KCNQ5: variants seen among roughly 807,000 people sequenced by gnomAD.
The protein encoded by KCNQ5 is potassium voltage-gated channel subfamily KQT member 5.
KCNQ5 carries 30 observed loss-of-function variants against 98.2 expected under a neutral mutation model. The observed-to-expected ratio is 0.31, with a 90% CI of 0.23 to 0.41. The LOEUF (loss-of-function observed/expected upper bound fraction) is 0.41. Ranked by LOEUF, KCNQ5 falls within the 10% of genes least tolerant of loss-of-function variation. The pLI is 1.00. For synonymous variants in KCNQ5, 458 were observed against 449.4 expected (o/e 1.02, Z -0.24); for missense variants, 835 against 1,182.5 (o/e 0.71, Z 4.31).
At chr6:72,637,244 C>A (rs578205930) in intron 1 of KCNQ5, among the ~76,000 whole-genome samples, 9 of 116,274 alleles carry the variant, frequency 7.7e-5, no homozygotes, top group African/African-American at 2.1e-4. Context: ...CAGTATAAAC[C>A]AAAAGTTGTG....
intron 3 of KCNQ5, among the ~76,000 whole-genome samples, chr6:73,069,667 C>A (rs576283700): frequency 6.6e-6 from 1 of 152,162 alleles, no homozygotes; most frequent in South Asian, 2.1e-4. Flanking sequence ...CACAAGTGGC[C>A]TTGACTGGTT....
At chr6:73,043,168 A>G (rs979447116) in intron 3 of KCNQ5, 19 of 451,160 alleles carry the variant, frequency 4.2e-5, no homozygotes, top group Non-Finnish European at 7.9e-5. Flanking sequence ...ATCACCATCC[A>G]TGGGCACTGT....
chr6:72,657,325 A>G (rs1766246475), intron 1 of KCNQ5, among the ~76,000 whole-genome samples: 1 of 152,236 alleles, frequency 6.6e-6, no homozygotes, highest in African/African-American at 2.4e-5. Context: ...ACTAGTAATT[A>G]AATCATATTT....
Position 73,111,410 on chromosome 6 carries a change from G to T in KCNQ5, c.1125+7G>T, listed in dbSNP as rs765290049. On this transcript the variant is annotated splice_region_variant and intron_variant, in intron 7 of 13. Coordinates refer to ENST00000370398, the MANE Select transcript of KCNQ5 (RefSeq NM_019842.4). Reference sequence around the variant, plus strand: ...AGCTGCCAACCTCATTCAGGTAAATGTCAATGTAATAGGTAGATGGCAACA... The same window carrying T: ...AGCTGCCAACCTCATTCAGGTAAATTTCAATGTAATAGGTAGATGGCAACA... 2 of 1,588,880 alleles carry T rather than the reference G, an allele frequency of 1.3e-6. No homozygotes were observed. Among genetic ancestry groups the T allele is most frequent in the Non-Finnish European group, 1.7e-6 (2 of 1,163,384 alleles).
At chr6:72,818,392 T>G (rs958057183) in intron 1 of KCNQ5, among the ~76,000 whole-genome samples, 2 of 152,126 alleles carry the variant, frequency 1.3e-5, no homozygotes, top group Non-Finnish European at 2.9e-5. Context: ...AAAACGATTT[T>G]TCACAGAAAA....
chr6:72,949,433 G>A (rs939198941), intron 1 of KCNQ5, among the ~76,000 whole-genome samples: 1 of 152,142 alleles, frequency 6.6e-6, no homozygotes, highest in Non-Finnish European at 1.5e-5. Flanking sequence ...AAATATCCTT[G>A]TAATACTTTT....
intron 1 of KCNQ5, chr6:72,987,801 A>G (rs955893861): frequency 6.9e-5 from 28 of 403,756 alleles, no homozygotes; most frequent in Non-Finnish European, 9.4e-6. Context: ...TGATTATCCC[A>G]TTTATGCTGG....
intron 5 of KCNQ5, among the ~76,000 whole-genome samples, chr6:73,088,918 G>T (rs530716977): frequency 1.3e-5 from 2 of 152,100 alleles, no homozygotes; most frequent in South Asian, 4.2e-4. Flanking sequence ...TGTCTTAACT[G>T]GTCTCTGCAC....
At chr6:73,188,155 G>GA (rs1253086829) in intron 11 of KCNQ5, among the ~76,000 whole-genome samples, 1 of 152,206 alleles carries the variant, frequency 6.6e-6, no homozygotes, top group Non-Finnish European at 1.5e-5. Flanking sequence ...GATGCCATGG[G>GA]AAAACCAGGA....
intron 1 of KCNQ5, among the ~76,000 whole-genome samples, chr6:72,815,305 G>C (rs1338148692): frequency 6.6e-6 from 1 of 152,146 alleles, no homozygotes; most frequent in Admixed American, 6.5e-5. Context: ...GTAATAAAAG[G>C]TTAAAATCAG....
chr6:73,084,503 G>A (rs926259924), intron 5 of KCNQ5, among the ~76,000 whole-genome samples: 3 of 152,126 alleles, frequency 2.0e-5, no homozygotes, highest in Non-Finnish European at 4.4e-5. Flanking sequence ...ACTGACGTAC[G>A]CAGTTTGTAA....
intron 1 of KCNQ5, among the ~76,000 whole-genome samples, chr6:72,912,739 T>C (rs1779990755): frequency 6.6e-6 from 1 of 152,198 alleles, no homozygotes; most frequent in Non-Finnish European, 1.5e-5. Context: ...TTGTATCAAA[T>C]AAAAAAGTTC....
intron 1 of KCNQ5, among the ~76,000 whole-genome samples, chr6:72,716,620 G>T (rs1000999077): frequency 1.3e-5 from 2 of 152,102 alleles, no homozygotes; most frequent in African/African-American, 4.8e-5. Flanking sequence ...TTTTACACAG[G>T]TAAGACTGGT....
chr6:72,927,363 CTGTT>C (rs1361670789), intron 1 of KCNQ5, among the ~76,000 whole-genome samples: 5 of 152,008 alleles, frequency 3.3e-5, no homozygotes, highest in Non-Finnish European at 5.9e-5. Flanking sequence ...CTTTGGAAAA[CTGTT>C]TGATTTGTTT....
At chr6:72,801,946 A>G (rs928183391) in intron 1 of KCNQ5, among the ~76,000 whole-genome samples, 27 of 152,106 alleles carry the variant, frequency 1.8e-4, no homozygotes, top group Non-Finnish European at 3.7e-4. Flanking sequence ...AGAATGTTGA[A>G]TATTGGTCCC....
chr6:72,983,507 G>A (rs1768578017), intron 1 of KCNQ5, among the ~76,000 whole-genome samples: 1 of 152,118 alleles, frequency 6.6e-6, no homozygotes, highest in Non-Finnish European at 1.5e-5. Context: ...CTCATGCCAT[G>A]GTTTTCAGCT....
rs1227966109 is a variant in KCNQ5, at chr6:73,066,134, T to A, written c.617-11188T>A. ...GCACTCCAGCCTGGGTGACAGAGAC[T>A]GTCTCAAAAATAAAATAAAAACTAA... On this transcript the variant is annotated intron_variant, in intron 3 of 13. Coordinates refer to ENST00000370398, the MANE Select transcript of KCNQ5 (RefSeq NM_019842.4). Among the ~76,000 whole-genome samples, 4 of 152,320 alleles carry A rather than the reference T, an allele frequency of 2.6e-5. No homozygotes were observed. The East Asian group carries it at 7.7e-4, about 29-fold the overall frequency.
chr6:72,861,827 TA>T (rs34487550), intron 1 of KCNQ5, among the ~76,000 whole-genome samples: 11 of 147,198 alleles, frequency 7.5e-5, no homozygotes, highest in Admixed American at 2.7e-4. Flanking sequence ...TAAAGTATAA[TA>T]AAAAAAAAAA....
At chr6:73,115,259 A>G (rs1775444710) in intron 7 of KCNQ5, among the ~76,000 whole-genome samples, 1 of 152,216 alleles carries the variant, frequency 6.6e-6, no homozygotes, top group African/African-American at 2.4e-5. Context: ...ATAAACAGAG[A>G]TTGAAAATAA....
Sources: gnomAD v4.1 joint callset for allele counts (sites outside exome capture counted in the v4.1 genomes callset) on GRCh38, gnomAD v4.1.1 for gene constraint, MANE v1.5 for transcripts, NCBI Gene and HGNC (gene_info 2026-07-23, HGNC 2026-07-21) for gene names.